Variants in C5 observed in about 807,000 individuals in gnomAD.
The protein encoded by C5 is complement C5.
C5 carries 140 observed loss-of-function variants against 218.8 expected under a neutral mutation model. The ratio of observed to expected loss-of-function variants is 0.64; its 90% CI spans 0.56 to 0.74. C5 has a LOEUF of 0.74. Ranked by LOEUF, C5 falls within the 30% of genes least tolerant of loss-of-function variation. C5 has a pLI of 0.00. For synonymous variants in C5, 614 were observed against 682.3 expected (o/e 0.90, Z 1.56); for missense variants, 1,700 against 1,969.6 (o/e 0.86, Z 2.59).
intron 1 of C5, among the ~76,000 whole-genome samples, chr9:121,048,441 A>G (rs2047646393): frequency 6.6e-6 from 1 of 152,232 alleles, no homozygotes; most frequent in Non-Finnish European, 1.5e-5. Context: ...AGGGATCTAG[A>G]TTGCAAGCTC....
intron 30 of C5, among the ~76,000 whole-genome samples, chr9:120,972,509 C>T (rs1034660552): frequency 8.5e-5 from 13 of 152,252 alleles, no homozygotes; most frequent in East Asian, 1.9e-4. Context: ...CACTTGTCAC[C>T]GCCTTTGTTT....
rs1201532605 is a variant in C5, at chr9:121,022,928, T to C, written c.1116+476A>G. 7.9e-5 allele frequency among the ~76,000 whole-genome samples: 12 copies of C among 151,670 alleles called. 1 individual carries two copies. Among genetic ancestry groups the C allele is most frequent in the South Asian group, 2.1e-4 (1 of 4,804 alleles). ...CAGAGAGCAATACAGAGACGAGAGA[T>C]TGAACAGAGTTATGCACAAAGACAA... On this transcript the variant is annotated intron_variant, in intron 10 of 40. Coordinates refer to ENST00000223642, the MANE Select transcript of C5 (RefSeq NM_001735.3).
chr9:121,021,472 A>G (rs955419702), intron 11 of C5, 37 bp downstream of exon 11: 2 of 1,546,042 alleles, frequency 1.3e-6, no homozygotes, highest in African/African-American at 1.4e-5. Flanking sequence ...AAGAGTACAC[A>G]TTGTCCTAGA....
intron 6 of C5, 47 bp from the exon 7 acceptor site, chr9:121,030,534 G>T: frequency 2.6e-6 from 3 of 1,139,798 alleles, no homozygotes; most frequent in Non-Finnish European, 3.8e-6. Flanking sequence ...GATTAGAGCA[G>T]ACTTTAAAGC....
intron 25 of C5, among the ~76,000 whole-genome samples, chr9:120,983,435 C>T (rs571326008): frequency 2.8e-4 from 43 of 152,304 alleles, no homozygotes; most frequent in African/African-American, 9.9e-4. Context: ...CTCTCTCAGT[C>T]GCCCAGGAGG....
rs778229486 is a variant in C5 at position 120,989,604 on chromosome 9, T to C, written c.3118A>G (p.Ile1040Val). 9 of 1,612,364 alleles carry C rather than the reference T, an allele frequency of 5.6e-6. No homozygotes were observed. Among genetic ancestry groups the C allele is most frequent in the Admixed American group, 1.7e-5 (1 of 59,970 alleles). ...HWNIFHSDPLIEKQKLKKKLK... is the reference protein window; with the variant it reads ...HWNIFHSDPLVEKQKLKKKLK... ...TTTTTCTTCAGTTTCTGCTTTTCAA[T>C]TAATGGGTCAGAATGAAAAATGTTC... The change falls in exon 24 of 41, where the codon ATT becomes GTT. Residue 1040 changes from isoleucine (I) to valine (V), a missense_variant. Physicochemically the swap from Ile to Val is conservative, Grantham distance 29 (BLOSUM62 3). Transcript: ENST00000223642.
intron 40 of C5, among the ~76,000 whole-genome samples, chr9:120,953,280 C>T (rs1430035090): frequency 6.6e-6 from 1 of 152,156 alleles, no homozygotes; most frequent in African/African-American, 2.4e-5. Flanking sequence ...AGGCTGTCCG[C>T]CAAACTCTTC....
intron 20 of C5, among the ~76,000 whole-genome samples, chr9:120,997,983 A>G (rs1473639964): frequency 6.6e-6 from 1 of 152,092 alleles, no homozygotes; most frequent in East Asian, 1.9e-4. Flanking sequence ...TTGTATTTTT[A>G]GTAGAGGCAC....
the C5 span, among the ~76,000 whole-genome samples, chr9:121,072,533 G>A: frequency 6.6e-6 from 1 of 152,086 alleles, no homozygotes; most frequent in Non-Finnish European, 1.5e-5. Context: ...TCGGCAGGGC[G>A]CGGTGGCTCA....
At chr9:121,013,202 C>T (rs989820985) in intron 17 of C5, among the ~76,000 whole-genome samples, 2 of 151,742 alleles carry the variant, frequency 1.3e-5, no homozygotes, top group African/African-American at 2.4e-5. Context: ...CGCCTTTAAT[C>T]CCAGTTACTC....
Position 120,996,127 on chromosome 9 carries a change from A to C in C5, c.2851+113T>G, listed in dbSNP as rs1383954617. On this transcript the variant is annotated intron_variant, in intron 22 of 40. Coordinates refer to ENST00000223642, the MANE Select transcript of C5 (RefSeq NM_001735.3). Reference sequence around the variant, plus strand: ...AGCCACTGTGCCTGGCCAGAAGTGGATACTACTGATTTTAGACAATTCACT... The same window carrying C: ...AGCCACTGTGCCTGGCCAGAAGTGGCTACTACTGATTTTAGACAATTCACT... 3 of 872,400 alleles carry C rather than the reference A, an allele frequency of 3.4e-6. No homozygotes were observed. The African/African-American group carries it at 5.0e-5, about 14-fold the overall frequency. The allele number at this position is 872,400 out of a possible 1,614,324, so 54.0% of individuals were successfully genotyped here. A position where few individuals can be genotyped will look rare whatever the true frequency, so the allele number is the denominator to read the frequency against.
chr9:120,980,810 G>T (rs1248596130), intron 27 of C5, among the ~76,000 whole-genome samples: 1 of 151,908 alleles, frequency 6.6e-6, no homozygotes, highest in African/African-American at 2.4e-5. Flanking sequence ...TGTTCGCCAG[G>T]ATGGTCTCAA....
the C5 span, among the ~76,000 whole-genome samples, chr9:121,068,508 T>G: frequency 6.6e-6 from 1 of 152,160 alleles, no homozygotes; most frequent in East Asian, 1.9e-4. Context: ...GACATCTCAC[T>G]TTTCATGGAT....
chr9:120,970,197 A>G lies in C5; in HGVS notation c.4135T>C (p.Leu1379=), dbSNP rs774066003. 7 of 1,613,568 alleles carry G rather than the reference A, an allele frequency of 4.3e-6. No homozygotes were observed. Among genetic ancestry groups the G allele is most frequent in the South Asian group, 3.3e-5 (3 of 91,062 alleles). The stretch of plus-strand genomic sequence containing the variant: ...TCAATATCCTGAGTATCGATTTTCA[A>G]ATAAAAGCTGCAAACTTCCTCAGAG... ...STSEEVCSFY[L]KIDTQDIEAS... The change falls in exon 32 of 41, where the codon TTG becomes CTG. Residue 1379 remains leucine, a synonymous_variant. Transcript: ENST00000223642.
the C5 span, among the ~76,000 whole-genome samples, chr9:121,072,184 C>A: frequency 6.6e-6 from 1 of 152,034 alleles, no homozygotes; most frequent in Non-Finnish European, 1.5e-5. Flanking sequence ...AGTGCCCATC[C>A]GCGGCTAACT....
At chr9:121,056,387 A>G in the C5 span, among the ~76,000 whole-genome samples, 1 of 152,254 alleles carries the variant, frequency 6.6e-6, no homozygotes, top group African/African-American at 2.4e-5. Flanking sequence ...GAATTCTATC[A>G]GATAAATTTA....
chr9:120,991,840 C>G (rs2047079138), intron 22 of C5, among the ~76,000 whole-genome samples: 1 of 152,122 alleles, frequency 6.6e-6, no homozygotes, highest in Non-Finnish European at 1.5e-5. Flanking sequence ...TGATAGAGTA[C>G]CAAGCATGCT....
chr9:120,952,899 C>T (rs950447895), intron 40 of C5, 31 bp from the exon 41 acceptor site: 3 of 1,610,806 alleles, frequency 1.9e-6, no homozygotes, highest in Non-Finnish European at 2.5e-6. Flanking sequence ...TGTGAGGTGG[C>T]CACAAAACAG....
intron 8 of C5, among the ~76,000 whole-genome samples, chr9:121,026,375 C>A (rs1249706883): frequency 1.3e-5 from 2 of 152,146 alleles, no homozygotes; most frequent in Admixed American, 1.3e-4. Flanking sequence ...ATGAATATTT[C>A]CTTGCAAGAA....
Sources: allele counts gnomAD v4.1 joint callset (sites outside exome capture counted in the v4.1 genomes callset), GRCh38; gene constraint gnomAD v4.1.1; transcripts MANE v1.5; gene names NCBI Gene and HGNC (gene_info 2026-07-23, HGNC 2026-07-21).